The following SPAG16 variants were observed in gnomAD, a reference collection of about 807,000 sequenced individuals.
The protein encoded by SPAG16 is sperm associated antigen 16, also known as sperm-associated antigen 16 protein.
SPAG16 carries 86 observed loss-of-function variants against 80.4 expected under a neutral mutation model. The ratio of observed to expected loss-of-function variants is 1.07; its 90% CI spans 0.90 to 1.28. The LOEUF (loss-of-function observed/expected upper bound fraction) is 1.28, where lower values mean the gene tolerates loss of function less well. Among genes scored for constraint, SPAG16 ranks in the 50% most tolerant of loss-of-function variants. The pLI, the probability that SPAG16 is intolerant of heterozygous loss-of-function variation, is 0.00. For synonymous variants in SPAG16, 294 were observed against 265.9 expected, an observed-to-expected ratio of 1.11 and a Z score of -1.03; for missense variants, 870 against 765.3, an observed-to-expected ratio of 1.14 and a Z score of -1.61.
At chr2:214,096,146 T>C (rs2052573714) in intron 13 of SPAG16, among the ~76,000 whole-genome samples, 1 of 152,058 alleles carries the variant, frequency 6.6e-6, no homozygotes, top group Non-Finnish European at 1.5e-5. Flanking sequence ...TGAGATTGAC[T>C]CTGAACTTTA....
intron 5 of SPAG16, among the ~76,000 whole-genome samples, chr2:213,334,533 T>C (rs1300602835): frequency 6.6e-6 from 1 of 152,162 alleles, no homozygotes; most frequent in Non-Finnish European, 1.5e-5. Flanking sequence ...CTGTTCACAA[T>C]AGCCAGGATT....
chr2:213,659,218 A>G lies in SPAG16; in HGVS notation c.1070+169128A>G, dbSNP rs868129162. Among the ~76,000 whole-genome samples the G allele has an allele frequency of 4.6e-5, 7 of 152,214 alleles. No individual in the cohort carries two copies. The Middle Eastern group carries it at 0.024, about 518-fold the overall frequency. On this transcript the variant is annotated intron_variant, in intron 10 of 15. Transcript: ENST00000331683. Reference sequence around the variant, plus strand: ...TTATATGTGAAAGCAGTTGTTCTCTAGTATTAAAGTGCATGAGCAACATGG... The same window carrying G: ...TTATATGTGAAAGCAGTTGTTCTCTGGTATTAAAGTGCATGAGCAACATGG...
intron 10 of SPAG16, among the ~76,000 whole-genome samples, chr2:213,816,843 G>A (rs531697357): frequency 6.6e-6 from 1 of 152,048 alleles, no homozygotes; most frequent in East Asian, 1.9e-4. Context: ...TACAGTGAAT[G>A]TAGTTGTCAG....
chr2:213,512,792 C>T (rs2075277415), intron 10 of SPAG16, among the ~76,000 whole-genome samples: 2 of 152,168 alleles, frequency 1.3e-5, no homozygotes, highest in South Asian at 2.1e-4. Context: ...GCATTTCCTG[C>T]GTTTATTGGG....
intron 15 of SPAG16, among the ~76,000 whole-genome samples, chr2:214,361,026 G>T (rs541538720): frequency 6.6e-6 from 1 of 151,798 alleles, no homozygotes; most frequent in Non-Finnish European, 1.5e-5. Flanking sequence ...CTTCTTGCAC[G>T]ACATTCATGA....
At chr2:214,200,694 A>T (rs1045241652) in intron 15 of SPAG16, among the ~76,000 whole-genome samples, 1 of 152,208 alleles carries the variant, frequency 6.6e-6, no homozygotes, top group Non-Finnish European at 1.5e-5. Context: ...ACAAGATCTC[A>T]TAAAATATAA....
chr2:214,209,871 T>C (rs1480834693), intron 15 of SPAG16, among the ~76,000 whole-genome samples: 1 of 152,158 alleles, frequency 6.6e-6, no homozygotes, highest in East Asian at 1.9e-4. Flanking sequence ...TATTTATTTT[T>C]GGAAATGGAG....
In SPAG16 at chr2:213,297,367, T is replaced by C; in HGVS notation, c.279+10T>C. 6.5e-7 allele frequency: 1 copy of C among 1,544,038 alleles called. No individual in the cohort carries two copies. On this transcript the variant is annotated intron_variant, in intron 3 of 15. Transcript: ENST00000331683. ...AGATACTGAAATTTTGGTGAGAATT[T>C]GAACACTAGTGTAGTCTATAGTTTA...
intron 15 of SPAG16, among the ~76,000 whole-genome samples, chr2:214,242,235 A>G (rs1689547143): frequency 6.6e-6 from 1 of 152,146 alleles, no homozygotes; most frequent in Admixed American, 6.6e-5. Context: ...CGAAACTCAC[A>G]AGACAACATA....
At chr2:213,727,098 A>T (rs1225610483) in intron 10 of SPAG16, among the ~76,000 whole-genome samples, 1 of 152,248 alleles carries the variant, frequency 6.6e-6, no homozygotes, top group Non-Finnish European at 1.5e-5. Flanking sequence ...TAATGAATAT[A>T]CATTGAAATT....
At chr2:213,930,721 T>C (rs1201122794) in intron 12 of SPAG16, among the ~76,000 whole-genome samples, 1 of 152,238 alleles carries the variant, frequency 6.6e-6, no homozygotes, top group African/African-American at 2.4e-5. Context: ...AAATTCATTA[T>C]GTTTCAAATA....
At chr2:213,403,735 C>G (rs1026651489) in intron 9 of SPAG16, among the ~76,000 whole-genome samples, 5 of 151,978 alleles carry the variant, frequency 3.3e-5, no homozygotes, top group Non-Finnish European at 7.4e-5. Context: ...GGAAATAAAG[C>G]GTATTCAATT....
chr2:213,774,216 A>G (rs1575100441), intron 10 of SPAG16, among the ~76,000 whole-genome samples: 1 of 152,194 alleles, frequency 6.6e-6, no homozygotes, highest in Non-Finnish European at 1.5e-5. Flanking sequence ...ACAAATTACC[A>G]TACACTGGGT....
At chr2:213,609,351 C>A (rs557255080) in intron 10 of SPAG16, among the ~76,000 whole-genome samples, 53 of 152,318 alleles carry the variant, frequency 3.5e-4, no homozygotes, top group African/African-American at 1.1e-3. Flanking sequence ...TTTGACTGTA[C>A]ATCTAAAATT....
At chr2:214,056,273 G>A (rs968184599) in intron 13 of SPAG16, among the ~76,000 whole-genome samples, 1 of 129,238 alleles carries the variant, frequency 7.7e-6, no homozygotes, top group African/African-American at 2.9e-5. Flanking sequence ...ACAAGATGTA[G>A]TAGAAATACA....
chr2:213,356,475 T>G (rs927945558), intron 7 of SPAG16, among the ~76,000 whole-genome samples: 6 of 152,196 alleles, frequency 3.9e-5, no homozygotes, highest in African/African-American at 1.4e-4. Flanking sequence ...TTTATTCTTG[T>G]GAGAGAGTGT....
At chr2:213,889,698 T>C (rs1009572313) in intron 11 of SPAG16, among the ~76,000 whole-genome samples, 2 of 146,544 alleles carry the variant, frequency 1.4e-5, no homozygotes, top group Non-Finnish European at 3.0e-5. Context: ...TACATATATA[T>C]ACACATATAT....
chr2:214,407,341 T>C (rs1161262013), intron 15 of SPAG16, among the ~76,000 whole-genome samples: 2 of 152,096 alleles, frequency 1.3e-5, no homozygotes, highest in African/African-American at 4.8e-5. Flanking sequence ...AATATTTTAA[T>C]AAAAGATTTA....
At chr2:213,489,604 C>A (rs1006652731) in intron 9 of SPAG16, among the ~76,000 whole-genome samples, 1 of 151,952 alleles carries the variant, frequency 6.6e-6, no homozygotes, top group Non-Finnish European at 1.5e-5. Context: ...TGTAGACTTT[C>A]GACTGCTGAC....
Sources: allele counts gnomAD v4.1 joint callset (sites outside exome capture counted in the v4.1 genomes callset), GRCh38; gene constraint gnomAD v4.1.1; transcripts MANE v1.5; gene names NCBI Gene and HGNC (gene_info 2026-07-23, HGNC 2026-07-21).